Variants in SZT2 observed in about 807,000 individuals in gnomAD.
SZT2 encodes the protein SZT2 subunit of KICSTOR complex, also known as KICSTOR complex protein SZT2.
Under a neutral mutation model 404.2 loss-of-function variants are expected in SZT2, and 216 were observed. The ratio of observed to expected loss-of-function variants is 0.53; its 90% CI spans 0.48 to 0.60. SZT2 has a LOEUF of 0.60. Ranked by LOEUF, SZT2 falls within the 20% of genes least tolerant of loss-of-function variation. The pLI, the probability that SZT2 is intolerant of heterozygous loss-of-function variation, is 0.00. For synonymous variants in SZT2, 1,693 were observed against 1,749.9 expected, an observed-to-expected ratio of 0.97 and a Z score of 0.81; for missense variants, 3,857 against 4,459.2, an observed-to-expected ratio of 0.86 and a Z score of 3.85.
chr1:43,443,535 C>T (rs552941875), intron 61 of SZT2, 58 bp downstream of exon 61: 5 of 1,613,514 alleles, frequency 3.1e-6, no homozygotes, highest in South Asian at 2.2e-5. Flanking sequence ...TGACCCCCCT[C>T]CTCCATCCCC....
intron 7 of SZT2, among the ~76,000 whole-genome samples, chr1:43,417,435 G>T (rs1651845620): frequency 6.6e-6 from 1 of 152,178 alleles, no homozygotes; most frequent in African/African-American, 2.4e-5. Context: ...AAGCAGTTGT[G>T]GTAGAGTGAG....
chr1:43,389,989 G>A lies in SZT2; in HGVS notation c.21G>A (p.Glu7=), dbSNP rs898608163. 6.5e-5 allele frequency: 91 copies of A among 1,394,148 alleles called. No individual in the cohort carries two copies. The highest frequency in any genetic ancestry group is 8.2e-5 in the Non-Finnish European group (88 of 1,077,566). The allele number at this position is 1,394,148 out of a possible 1,614,324, so 86.4% of individuals were successfully genotyped here. ...GTGTGATGGCCTCGGAGCGCCCGGAGCCGGAGGTGAGGGGCGGGCGGGCGC... is the reference window on the plus strand; with the variant it reads ...GTGTGATGGCCTCGGAGCGCCCGGAACCGGAGGTGAGGGGCGGGCGGGCGC... The part of the protein sequence containing the change: MASERP[E]PEVEEAGQVF... The change falls in exon 1 of 72, where the codon GAG becomes GAA. Residue 7 remains glutamate (E), a synonymous_variant. Coordinates refer to ENST00000634258, the MANE Select transcript of SZT2 (RefSeq NM_001365999.1).
chr1:43,426,055 G>C lies in SZT2; in HGVS notation c.2947G>C (p.Asp983His). 6.2e-7 allele frequency: 1 copy of C among 1,614,142 alleles called. No homozygotes were observed. The highest frequency in any genetic ancestry group is 8.5e-7 in the Non-Finnish European group (1 of 1,180,022). ...CCTCGTAGGATTGGATCAGGGAGGA[G>C]ACACCTGCGTCCATGAGATCCCTTT... is the stretch of plus-strand genomic sequence containing the variant. ...RVSDGLDQGG[D>H]TCVHEIPFHF... Residue 983 changes from aspartate to histidine, a missense_variant, in exon 21 of 72, where the codon GAC becomes CAC. By Grantham distance (81) the Asp-to-His change is moderately conservative. This residue lies in a region of SZT2 where 1,725 missense variants were observed against 1,881.0 expected (regional missense o/e 0.92). Coordinates refer to ENST00000634258, the MANE Select transcript of SZT2 (RefSeq NM_001365999.1). This position sits in a 1 kb window ranked among gnomAD's most constrained non-coding sequence, Gnocchi z 4.9.
At chr1:43,400,857 A>T (rs1296144817) in intron 1 of SZT2, among the ~76,000 whole-genome samples, 5 of 151,994 alleles carry the variant, frequency 3.3e-5, no homozygotes, top group Admixed American at 1.3e-4. Context: ...GGGCAACAAA[A>T]GCAAAACTCC....
chr1:43,400,684 C>T (rs1368786471), intron 1 of SZT2, among the ~76,000 whole-genome samples: 1 of 152,112 alleles, frequency 6.6e-6, no homozygotes, highest in Non-Finnish European at 1.5e-5. Context: ...CCAGCCTGGC[C>T]AACATGATGA....
chr1:43,442,002 G>T lies in SZT2; in HGVS notation c.7745G>T (p.Gly2582Val), dbSNP rs1197096548. 1 of 1,612,186 alleles carries T rather than the reference G, an allele frequency of 6.2e-7. No individual in the cohort carries two copies. Reference sequence around the variant, plus strand: ...CTGTCTGTCCTCCCTTTCAATAGGGGTTCAGAGCCAGAGATCTTCGGCCCT... The same window carrying T: ...CTGTCTGTCCTCCCTTTCAATAGGGTTTCAGAGCCAGAGATCTTCGGCCCT... Reference protein sequence around the residue: ...TSVRIFEQHLGSEPEIFGPCS... With the variant: ...TSVRIFEQHLVSEPEIFGPCS... Residue 2582 changes from glycine to valine, a missense_variant and splice_region_variant, in exon 56 of 72, where the codon GGT becomes GTT. Around this residue, in one of 7 missense-constraint regions of SZT2, gnomAD observed 573 missense variants for 592.4 expected, o/e 0.97. Transcript: ENST00000634258. This position sits in a 1 kb window ranked among gnomAD's most constrained non-coding sequence, Gnocchi z 4.5.
intron 12 of SZT2, 98 bp downstream of exon 12, chr1:43,422,323 A>G: frequency 6.7e-7 from 1 of 1,495,698 alleles, no homozygotes; most frequent in African/African-American, 1.4e-5. Context: ...GCTCTTACCA[A>G]CTGTGGCCAA....
In SZT2 at chr1:43,441,512, C is replaced by A; in HGVS notation, c.7520C>A (p.Thr2507Lys). ...DSGAQRQKRR[T>K]TQLEEGEVGT... is the part of the protein sequence containing the mutation. The stretch of plus-strand genomic sequence containing the variant: ...ACTCCCACTGTCTTCAGGCGCCGGA[C>A]AACACAGCTAGAAGAGGGTGAGGTG... Residue 2507 changes from threonine to lysine, a missense_variant, in exon 54 of 72, where the codon ACA becomes AAA. Thr to Lys is a moderately conservative substitution (Grantham distance 78). Around this residue, in one of 7 missense-constraint regions of SZT2, gnomAD observed 573 missense variants for 592.4 expected, o/e 0.97. Coordinates refer to ENST00000634258, the MANE Select transcript of SZT2 (RefSeq NM_001365999.1). This position sits in a 1 kb window ranked among gnomAD's most constrained non-coding sequence, Gnocchi z 4.8. 6.2e-7 allele frequency: 1 copy of A among 1,613,748 alleles called. No individual in the cohort carries two copies. Among genetic ancestry groups the A allele is most frequent in the East Asian group, 2.2e-5 (1 of 44,886 alleles).
At position 43,419,881 on chromosome 1, in the gene SZT2, C is replaced by T. The variant is rs767336909; in HGVS notation, c.1027C>T (p.Arg343Trp). 1.8e-5 allele frequency: 28 copies of T among 1,598,310 alleles called. No homozygotes were observed. In the Admixed American group the frequency reaches 2.3e-4, roughly 13 times the overall value. ...CAACCTGGGTCTGACTGTCTACCAC[C>T]GGGCATTTCTCCTCTATTCCTTCCT... The part of the protein sequence containing the change: ...PGNLGLTVYH[R>W]AFLLYSFLRS... The change falls in exon 8 of 72, where the codon CGG becomes TGG. Residue 343 changes from arginine (R) to tryptophan (W), a missense_variant. By Grantham distance (101) the Arg-to-Trp change is moderately radical (BLOSUM62 -3). Coordinates refer to ENST00000634258, the MANE Select transcript of SZT2 (RefSeq NM_001365999.1).
At chr1:43,446,518 G>A in intron 65 of SZT2, 102 bp downstream of exon 65, 1 of 1,421,758 alleles carries the variant, frequency 7.0e-7, no homozygotes, top group Admixed American at 1.8e-5. Flanking sequence ...GCAGTAGGCG[G>A]GCTGGCCCAG....
In SZT2 at chr1:43,447,902, T is replaced by C. The variant is rs774849516; in HGVS notation, c.9494T>C (p.Val3165Ala). ...EGLRHQDDFD[V>A]SLLVCHCAAP... ...CTTCGACACCAGGATGACTTTGATG[T>C]GTCTCTGCTTGTCTGTCACTGTGCT... Residue 3165 changes from valine (V) to alanine (A), a missense_variant, in exon 68 of 72, where the codon GTG (valine) becomes GCG (alanine). This residue lies in a region of SZT2 where 717 missense variants were observed against 868.2 expected (regional missense o/e 0.83). Coordinates refer to ENST00000634258, the MANE Select transcript of SZT2 (RefSeq NM_001365999.1). 2 of 1,614,088 alleles carry C rather than the reference T, an allele frequency of 1.2e-6. No homozygotes were observed. The highest frequency in any genetic ancestry group is 2.2e-5 in the East Asian group (1 of 44,864).
rs763537652 is a variant in SZT2, at chr1:43,389,938, C to T, written c.-31C>T. 2.7e-6 allele frequency: 4 copies of T among 1,479,688 alleles called. No homozygotes were observed. Among genetic ancestry groups the T allele is most frequent in the African/African-American group, 1.4e-5 (1 of 69,896 alleles). The allele number at this position is 1,479,688 out of a possible 1,614,324, so 91.7% of individuals were successfully genotyped here. A position where few individuals can be genotyped will look rare whatever the true frequency, so the allele number is the denominator to read the frequency against. ...AGGGGTCAAGAGTGGAACACCCTCA[C>T]TGGCCCGGGCCGGCGCGGGAGGGCT... is the stretch of plus-strand genomic sequence containing the variant. On this transcript the variant is annotated 5_prime_UTR_variant, in exon 1 of 72. Coordinates refer to ENST00000634258, the MANE Select transcript of SZT2 (RefSeq NM_001365999.1).
chr1:43,423,716 G>A (rs1652759808), intron 15 of SZT2, among the ~76,000 whole-genome samples: 1 of 151,448 alleles, frequency 6.6e-6, no homozygotes. Flanking sequence ...GGCTTAGCGG[G>A]GTATGAGTGG....
intron 4 of SZT2, among the ~76,000 whole-genome samples, chr1:43,413,012 T>C (rs1651257277): frequency 6.6e-6 from 1 of 152,200 alleles, no homozygotes; most frequent in Non-Finnish European, 1.5e-5. Flanking sequence ...GGCAATAACA[T>C]GCTGGTGAGG....
In SZT2 at chr1:43,442,891, C is replaced by T. The variant is rs760152706; in HGVS notation, c.8224C>T (p.Arg2742Cys). Residue 2742 changes from arginine to cysteine, a missense_variant, in exon 59 of 72, where the codon CGT (arginine) becomes TGT (cysteine). Arg to Cys is a radical substitution (Grantham distance 180). This residue lies in a region of SZT2 where 573 missense variants were observed against 592.4 expected (regional missense o/e 0.97). Coordinates refer to ENST00000634258, the MANE Select transcript of SZT2 (RefSeq NM_001365999.1). The surrounding 1 kb of genome is among the most constrained non-coding windows in gnomAD (Gnocchi z 4.5). Reference protein sequence around the residue: ...LIRSASPPLSREQGRLSGSSR... With the variant: ...LIRSASPPLSCEQGRLSGSSR... ...CCGGAGTGCAAGTCCCCCGCTGAGC[C>T]GTGAGCAGGGCCGACTGAGTGGGTC... is the stretch of plus-strand genomic sequence containing the variant. 9.9e-6 allele frequency: 16 copies of T among 1,614,048 alleles called. No homozygotes were observed. Among genetic ancestry groups the T allele is most frequent in the Middle Eastern group, 1.6e-4 (1 of 6,062 alleles).
intron 4 of SZT2, chr1:43,410,579 G>C (rs1009905217): frequency 1.0e-5 from 1 of 98,784 alleles, no homozygotes; most frequent in Non-Finnish European, 2.2e-5. Context: ...AAAAAAAAAA[G>C]ACTTAAATCT....
chr1:43,419,753 A>G lies in SZT2; in HGVS notation c.899A>G (p.Tyr300Cys), dbSNP rs780910466. ...SFVQVGGVYS[Y>C]DCSFGHVPNV... ...TTCCAGGTGGGAGGAGTTTACTCTT[A>G]TGACTGCAGTTTTGGCCATGTGCCC... The change falls in exon 8 of 72, where the codon TAT becomes TGT. Residue 300 changes from tyrosine (Y) to cysteine (C), a missense_variant. Transcript: ENST00000634258. 1 of 1,598,314 alleles carries G rather than the reference A, an allele frequency of 6.3e-7. No homozygotes were observed. The highest frequency in any genetic ancestry group is 8.5e-7 in the Non-Finnish European group (1 of 1,179,764).
At position 43,425,990 on chromosome 1, in the gene SZT2, G is replaced by A. The variant is rs760608423; in HGVS notation, c.2929+41G>A. ...GGCCCACTGGTGGAGCAGGGGAGTG[G>A]GTAGGGTAATCTGCGTCTCACTGTG... On this transcript the variant is annotated intron_variant, in intron 20 of 71. Transcript: ENST00000634258. The surrounding 1 kb of genome is among the most constrained non-coding windows in gnomAD (Gnocchi z 4.3). The A allele has an allele frequency of 6.2e-7, 1 of 1,612,846 alleles. No individual in the cohort carries two copies. Among genetic ancestry groups the A allele is most frequent in the Admixed American group, 1.7e-5 (1 of 60,026 alleles).
At position 43,404,263 on chromosome 1, in the gene SZT2, T is replaced by C. The variant is rs1650029284; in HGVS notation, c.328-117T>C. 8.4e-6 allele frequency: 7 copies of C among 838,152 alleles called. No homozygotes were observed. The Admixed American group carries it at 9.7e-5, about 12-fold the overall frequency. The allele number at this position is 838,152 out of a possible 1,614,324, so 51.9% of individuals were successfully genotyped here. On this transcript the variant is annotated intron_variant, in intron 3 of 71. Coordinates refer to ENST00000634258, the MANE Select transcript of SZT2 (RefSeq NM_001365999.1). ...AACTGTTCCATGTGTGGCACTGTAT[T>C]TGGGTGTGCGATCATCCATAAGTTA...
Sources: gnomAD v4.1 joint callset for allele counts (sites outside exome capture counted in the v4.1 genomes callset) on GRCh38, gnomAD v4.1.1 for gene constraint, gnomAD v4.1.1 regional missense constraint, Gnocchi (gnomAD v3.1) non-coding constraint, MANE v1.5 for transcripts, NCBI Gene and HGNC (gene_info 2026-07-23, HGNC 2026-07-21) for gene names.